Variants in VAV3 observed in about 807,000 individuals in gnomAD.
VAV3 encodes the protein guanine nucleotide exchange factor VAV3.
VAV3 carries 94 observed loss-of-function variants against 131.2 expected under a neutral mutation model. That is an observed-to-expected ratio of 0.72 (90% CI 0.61 to 0.85). The LOEUF is 0.85. Ranked by LOEUF, VAV3 falls within the 40% of genes least tolerant of loss-of-function variation. The pLI is 0.00. For missense variants in VAV3, 939 were observed against 1,002.7 expected, an observed-to-expected ratio of 0.94 and a Z score of 0.86; for synonymous variants, 349 against 342.0, an observed-to-expected ratio of 1.02 and a Z score of -0.22.
intron 1 of VAV3, among the ~76,000 whole-genome samples, chr1:107,886,271 A>T (rs955941528): frequency 1.1e-4 from 16 of 152,230 alleles, no homozygotes; most frequent in African/African-American, 3.9e-4. Context: ...CCGATGAAGA[A>T]GATGCCATTA....
intron 2 of VAV3, among the ~76,000 whole-genome samples, chr1:107,860,944 A>G (rs1669709106): frequency 6.6e-6 from 1 of 151,720 alleles, no homozygotes; most frequent in Non-Finnish European, 1.5e-5. Flanking sequence ...ATTGTCCTAC[A>G]GAAGGTGTAG....
intron 15 of VAV3, among the ~76,000 whole-genome samples, chr1:107,723,765 A>G (rs934897083): frequency 4.0e-5 from 6 of 151,804 alleles, no homozygotes; most frequent in Admixed American, 3.3e-4. Flanking sequence ...CCATACTTCC[A>G]TATTTCTCTT....
At chr1:107,728,189 C>G (rs1661969493) in intron 15 of VAV3, among the ~76,000 whole-genome samples, 1 of 152,106 alleles carries the variant, frequency 6.6e-6, no homozygotes, top group Non-Finnish European at 1.5e-5. Flanking sequence ...GGCTCCTGGA[C>G]AGGGAATTGG....
intron 17 of VAV3, among the ~76,000 whole-genome samples, chr1:107,702,542 T>G (rs1660198558): frequency 6.6e-6 from 1 of 152,126 alleles, no homozygotes; most frequent in African/African-American, 2.4e-5. Context: ...ACAAAATGAC[T>G]TATGTAAGGA....
chr1:107,676,943 A>G (rs1321503656), intron 19 of VAV3, among the ~76,000 whole-genome samples: 1 of 152,178 alleles, frequency 6.6e-6, no homozygotes. Flanking sequence ...GCAAAATTCC[A>G]AGTTCCTCAA....
intron 8 of VAV3, among the ~76,000 whole-genome samples, chr1:107,765,812 C>A (rs975937977): frequency 6.6e-6 from 1 of 152,172 alleles, no homozygotes; most frequent in African/African-American, 2.4e-5. Context: ...AAAAAAGACA[C>A]TACTAATAAA....
intron 15 of VAV3, among the ~76,000 whole-genome samples, chr1:107,713,137 G>A (rs998987436): frequency 2.6e-5 from 4 of 152,130 alleles, no homozygotes; most frequent in East Asian, 1.9e-4. Context: ...TACAGCCAAC[G>A]ATAAGGAATA....
At chr1:107,751,531 T>C (rs1296070188) in intron 12 of VAV3, among the ~76,000 whole-genome samples, 1 of 152,192 alleles carries the variant, frequency 6.6e-6, no homozygotes, top group African/African-American at 2.4e-5. Flanking sequence ...GAGCATCTAC[T>C]ACGTGCCAAC....
intron 19 of VAV3, among the ~76,000 whole-genome samples, chr1:107,648,899 C>T (rs554351377): frequency 7.9e-5 from 12 of 152,038 alleles, no homozygotes; most frequent in African/African-American, 2.4e-4. Context: ...TCTGAGTACC[C>T]GCCACATGTC....
chr1:107,697,134 TGAG>T (rs1301020517), intron 17 of VAV3, among the ~76,000 whole-genome samples: 2 of 152,174 alleles, frequency 1.3e-5, no homozygotes, highest in Non-Finnish European at 2.9e-5. Context: ...GGAATGAGGG[TGAG>T]GAGAAGATGC....
rs11333111 is a variant in VAV3, at chr1:107,720,453, TAA to T, written c.1503-15394_1503-15393del. Among the ~76,000 whole-genome samples the T allele has an allele frequency of 5.6e-3, 733 of 129,758 alleles. 7 individuals are homozygous for T. The highest frequency in any genetic ancestry group is 0.016 in the African/African-American group (567 of 34,388). 85.1% of individuals were successfully genotyped at this position (129,758 alleles called of 152,430 possible). A position where few individuals can be genotyped will look rare whatever the true frequency, so the allele number is the denominator to read the frequency against. On this transcript the variant is annotated intron_variant, in intron 15 of 26. Transcript: ENST00000370056. ...TAAAAGTTCCATCTGTTAATATTGCTAAAAAAAAAAAAAAAAGGAGTTTGAGA... is the reference window on the plus strand; with the variant it reads ...TAAAAGTTCCATCTGTTAATATTGCTAAAAAAAAAAAAAAGGAGTTTGAGA...
chr1:107,683,834 T>C (rs1266750985), intron 18 of VAV3, among the ~76,000 whole-genome samples: 1 of 152,210 alleles, frequency 6.6e-6, no homozygotes, highest in Non-Finnish European at 1.5e-5. Context: ...ATAGTGACGA[T>C]GGAGAGAACA....
In VAV3 at chr1:107,748,961, TACTC is replaced by T. The variant is rs564845846; in HGVS notation, c.1502+3_1502+6del. On this transcript the variant is annotated splice_donor_5th_base_variant and intron_variant, in intron 15 of 26. Coordinates refer to ENST00000370056, the MANE Select transcript of VAV3 (RefSeq NM_006113.5). ...ATAAAAGCACTTTTAAAAATAGAAA[TACTC>T]ACAAAGCCATTTCAAACTGTTCTAG... 1.3e-5 allele frequency: 21 copies of T among 1,564,092 alleles called. No individual in the cohort carries two copies. Among genetic ancestry groups the T allele is most frequent in the African/African-American group, 2.8e-5 (2 of 72,646 alleles).
chr1:107,642,053 A>G (rs1655380524), intron 20 of VAV3, among the ~76,000 whole-genome samples: 2 of 152,302 alleles, frequency 1.3e-5, no homozygotes, highest in South Asian at 4.1e-4. Context: ...TAAATCTAAC[A>G]AACTGTAATT....
At chr1:107,752,985 T>C (rs150354551) in intron 12 of VAV3, among the ~76,000 whole-genome samples, 1 of 152,256 alleles carries the variant, frequency 6.6e-6, no homozygotes, top group African/African-American at 2.4e-5. Flanking sequence ...CTTGAATAGA[T>C]ATTGGTACAC....
chr1:107,757,498 C>G (rs1664178087), intron 10 of VAV3, among the ~76,000 whole-genome samples, 169 bp from the exon 11 acceptor site: 2 of 152,008 alleles, frequency 1.3e-5, no homozygotes, highest in Admixed American at 6.5e-5. Context: ...GTAAGAAGAC[C>G]AACTAGACAC....
intron 15 of VAV3, among the ~76,000 whole-genome samples, chr1:107,736,297 C>G (rs1477862505): frequency 6.6e-6 from 1 of 152,096 alleles, no homozygotes; most frequent in Non-Finnish European, 1.5e-5. Flanking sequence ...AAAACTGGCA[C>G]AAGACAGGGA....
At position 107,681,754 on chromosome 1, in the gene VAV3, C is replaced by T. The variant is rs112168571; in HGVS notation, c.1777+1734G>A. On this transcript the variant is annotated intron_variant, in intron 19 of 26. Transcript: ENST00000370056. ...CTGCAAGTTCTGCCTCCCGGGCTCA[C>T]GCCATTCTCCTGCCTCAGCCTCCCA... Among the ~76,000 whole-genome samples the T allele has an allele frequency of 4.1e-3, 625 of 151,726 alleles. 6 individuals are homozygous for T. Among genetic ancestry groups the T allele is most frequent in the African/African-American group, 0.014 (592 of 41,386 alleles).
At chr1:107,748,922 T>C in intron 15 of VAV3, 46 bp downstream of exon 15, 1 of 1,353,112 alleles carries the variant, frequency 7.4e-7, no homozygotes, top group Non-Finnish European at 1.0e-6. Flanking sequence ...TCATAAGTGA[T>C]TTAACTAGTA....
Sources: gnomAD v4.1 joint callset for allele counts (sites outside exome capture counted in the v4.1 genomes callset) on GRCh38, gnomAD v4.1.1 for gene constraint, MANE v1.5 for transcripts, NCBI Gene and HGNC (gene_info 2026-07-23, HGNC 2026-07-21) for gene names.